Variants in KIRREL3 observed in about 807,000 individuals in gnomAD.
KIRREL3 encodes kirre like nephrin family adhesion molecule 3, also known as kin of IRRE-like protein 3.
Under a neutral mutation model 89.7 loss-of-function variants are expected in KIRREL3, and 36 were observed. The observed-to-expected ratio is 0.40, with a 90% CI of 0.31 to 0.53. The LOEUF (loss-of-function observed/expected upper bound fraction) is 0.53, where lower values mean the gene tolerates loss of function less well. Ranked by LOEUF, KIRREL3 falls within the 20% of genes least tolerant of loss-of-function variation. The pLI is 0.49. For synonymous variants in KIRREL3, 445 were observed against 441.4 expected, an observed-to-expected ratio of 1.01 and a Z score of -0.10; for missense variants, 864 against 1,056.6, an observed-to-expected ratio of 0.82 and a Z score of 2.53.
At chr11:126,984,526 C>T (rs183464527) in intron 1 of KIRREL3, among the ~76,000 whole-genome samples, 1 of 152,200 alleles carries the variant, frequency 6.6e-6, no homozygotes, top group South Asian at 2.1e-4. Context: ...AGCTTCCAGG[C>T]CATTCTCACT....
At chr11:126,604,249 G>A (rs1942791133) in intron 1 of KIRREL3, among the ~76,000 whole-genome samples, 1 of 152,186 alleles carries the variant, frequency 6.6e-6, no homozygotes, top group Admixed American at 6.5e-5. Flanking sequence ...ACGCAGAGCT[G>A]ACAGGGGTGA....
intron 1 of KIRREL3, among the ~76,000 whole-genome samples, chr11:126,726,536 T>G (rs1436628083): frequency 6.6e-6 from 1 of 152,130 alleles, no homozygotes; most frequent in Non-Finnish European, 1.5e-5. Flanking sequence ...CCTGGCTAAA[T>G]TTTGTATTTT....
Position 126,473,266 on chromosome 11 carries a change from CTTGAAGCCCGTCCACACCCACCCCCT to C in KIRREL3, c.591+17_591+42del. Reference sequence around the variant, plus strand: ...CCTAGCCCCCTCCCCACCCACTCCCCTTGAAGCCCGTCCACACCCACCCCCTCCCCTCCAGGCCTCACCTTGGAGTA... The same window carrying C: ...CCTAGCCCCCTCCCCACCCACTCCCCCCCCTCCAGGCCTCACCTTGGAGTA... On this transcript the variant is annotated intron_variant, in intron 5 of 16. Coordinates refer to ENST00000525144, the MANE Select transcript of KIRREL3 (RefSeq NM_032531.4). The C allele has an allele frequency of 1.0e-6, 1 of 962,366 alleles. No homozygotes were observed. Among genetic ancestry groups the C allele is most frequent in the Admixed American group, 3.0e-5 (1 of 32,880 alleles). 59.6% of individuals were successfully genotyped at this position (962,366 alleles called of 1,614,324 possible).
At position 126,977,133 on chromosome 11, in the gene KIRREL3, C is replaced by G. The variant is rs893223896; in HGVS notation, c.55+23322G>C. The stretch of plus-strand genomic sequence containing the variant: ...TTTTCTTTTTCTGCAGGCTTCAGCT[C>G]CTTCTGGGTCTTAGTGTCACTTGGC... On this transcript the variant is annotated intron_variant, in intron 1 of 16. Transcript: ENST00000525144. The surrounding 1 kb of genome is among the most constrained non-coding windows in gnomAD (Gnocchi z 4.7). Among the ~76,000 whole-genome samples, 1 of 152,146 alleles carries G rather than the reference C, an allele frequency of 6.6e-6. No individual in the cohort carries two copies. Among genetic ancestry groups the G allele is most frequent in the Non-Finnish European group, 1.5e-5 (1 of 68,040 alleles).
chr11:126,978,176 G>C lies in KIRREL3; in HGVS notation c.55+22279C>G, dbSNP rs144807885. ...ATTTATGATGATGCAGGGCATGCAG[G>C]TAATCAATTATGCGATTCTTTCAGG... On this transcript the variant is annotated intron_variant, in intron 1 of 16. Coordinates refer to ENST00000525144, the MANE Select transcript of KIRREL3 (RefSeq NM_032531.4). This position sits in a 1 kb window ranked among gnomAD's most constrained non-coding sequence, Gnocchi z 4.2. 1.6e-3 allele frequency among the ~76,000 whole-genome samples: 247 copies of C among 152,290 alleles called. 1 individual carries two copies. Among genetic ancestry groups the C allele is most frequent in the Middle Eastern group, 3.4e-3 (1 of 294 alleles).
At chr11:126,702,220 T>C (rs1183263394) in intron 1 of KIRREL3, among the ~76,000 whole-genome samples, 2 of 152,200 alleles carry the variant, frequency 1.3e-5, no homozygotes, top group Admixed American at 1.3e-4. Context: ...ATAATGCATG[T>C]AAAATGCCTA....
At chr11:126,902,508 T>A (rs959639482) in intron 1 of KIRREL3, among the ~76,000 whole-genome samples, 58 of 152,358 alleles carry the variant, frequency 3.8e-4, no homozygotes, top group African/African-American at 1.4e-3. Flanking sequence ...TAGAACAGAA[T>A]GTGAAAGAAT....
intron 6 of KIRREL3, among the ~76,000 whole-genome samples, chr11:126,461,431 C>T (rs982425780): frequency 6.6e-6 from 1 of 152,174 alleles, no homozygotes; most frequent in Non-Finnish European, 1.5e-5. Flanking sequence ...CACCCTAGCT[C>T]TAGGCTTGGC....
chr11:126,922,100 TATCG>T (rs1282526865), intron 1 of KIRREL3, among the ~76,000 whole-genome samples: 2 of 149,214 alleles, frequency 1.3e-5, no homozygotes, highest in African/African-American at 4.9e-5. Context: ...TATATCTATC[TATCG>T]ATCTATCTAT....
Position 126,609,882 on chromosome 11 carries a change from C to A in KIRREL3, c.56-46970G>T, listed in dbSNP as rs894928146. Among the ~76,000 whole-genome samples the A allele has an allele frequency of 6.6e-6, 1 of 152,116 alleles. No homozygotes were observed. The highest frequency in any genetic ancestry group is 6.5e-5 in the Admixed American group (1 of 15,274). ...CAACAGCAGCTAACATTAATAGAAC[C>A]TGATGATGCGATAGGCACCGAGATA... On this transcript the variant is annotated intron_variant, in intron 1 of 16. Transcript: ENST00000525144. The surrounding 1 kb of genome is among the most constrained non-coding windows in gnomAD (Gnocchi z 5.0).
intron 1 of KIRREL3, among the ~76,000 whole-genome samples, chr11:126,982,159 G>A (rs2069868199): frequency 6.6e-6 from 1 of 152,118 alleles, no homozygotes; most frequent in African/African-American, 2.4e-5. Flanking sequence ...GTTCCTCAAG[G>A]GCTGAACATT....
At chr11:126,792,336 T>C (rs747514982) in intron 1 of KIRREL3, among the ~76,000 whole-genome samples, 2 of 152,224 alleles carry the variant, frequency 1.3e-5, no homozygotes, top group Non-Finnish European at 2.9e-5. Flanking sequence ...AACAACTTTA[T>C]GAGATAGGTC....
chr11:126,490,464 G>A lies in KIRREL3; in HGVS notation c.434-16998C>T, dbSNP rs1030826456. 7.9e-5 allele frequency among the ~76,000 whole-genome samples: 12 copies of A among 152,116 alleles called. No individual in the cohort carries two copies. Among genetic ancestry groups the A allele is most frequent in the Admixed American group, 6.5e-4 (10 of 15,274 alleles). ...AAGACCATGTAGGCCTGTGTTCCAC[G>A]GGTGCTCAGAAATCCTGGGGGCTGA... On this transcript the variant is annotated intron_variant, in intron 4 of 16. Coordinates refer to ENST00000525144, the MANE Select transcript of KIRREL3 (RefSeq NM_032531.4). This position sits in a 1 kb window ranked among gnomAD's most constrained non-coding sequence, Gnocchi z 4.2.
Position 126,697,664 on chromosome 11 carries a change from T to C in KIRREL3, c.56-134752A>G, listed in dbSNP as rs1565658335. Among the ~76,000 whole-genome samples, 1 of 152,228 alleles carries C rather than the reference T, an allele frequency of 6.6e-6. No homozygotes were observed. The highest frequency in any genetic ancestry group is 2.4e-5 in the African/African-American group (1 of 41,458). ...TAACCTGAACTCATGTAAAAGTGGC[T>C]CTTTCCTCCCAGTCCAAACCACAAA... On this transcript the variant is annotated intron_variant, in intron 1 of 16. Transcript: ENST00000525144. The surrounding 1 kb of genome is among the most constrained non-coding windows in gnomAD (Gnocchi z 4.2).
intron 2 of KIRREL3, among the ~76,000 whole-genome samples, chr11:126,539,420 G>A (rs1938180124): frequency 2.0e-5 from 3 of 152,160 alleles, no homozygotes; most frequent in Admixed American, 2.0e-4. Flanking sequence ...GCTCAGATCT[G>A]AGTTTTAGAA....
chr11:126,789,412 C>G (rs1365915586), intron 1 of KIRREL3, among the ~76,000 whole-genome samples: 1 of 152,168 alleles, frequency 6.6e-6, no homozygotes, highest in Non-Finnish European at 1.5e-5. Context: ...ATCCTTCACT[C>G]CTGAAATCTC....
intron 1 of KIRREL3, among the ~76,000 whole-genome samples, chr11:126,895,574 G>A (rs1946118815): frequency 6.6e-6 from 1 of 152,106 alleles, no homozygotes; most frequent in Non-Finnish European, 1.5e-5. Flanking sequence ...ACAAGCCTTT[G>A]GGATTCTCCT....
At chr11:126,473,281 C>T in intron 5 of KIRREL3, 28 bp downstream of exon 5, 2 of 1,110,716 alleles carry the variant, frequency 1.8e-6, no homozygotes, top group South Asian at 1.7e-5. Flanking sequence ...AGCCCGTCCA[C>T]ACCCACCCCC....
intron 1 of KIRREL3, among the ~76,000 whole-genome samples, chr11:126,700,331 T>C (rs1041813601): frequency 6.6e-6 from 1 of 152,210 alleles, no homozygotes; most frequent in African/African-American, 2.4e-5. Context: ...TGACTCAGTA[T>C]GGCACATTGG....
Sources: gnomAD v4.1 joint callset for allele counts (sites outside exome capture counted in the v4.1 genomes callset) on GRCh38, gnomAD v4.1.1 for gene constraint, Gnocchi (gnomAD v3.1) non-coding constraint, MANE v1.5 for transcripts, NCBI Gene and HGNC (gene_info 2026-07-23, HGNC 2026-07-21) for gene names.